CSMD1: variants seen among roughly 807,000 people sequenced by gnomAD.
The protein encoded by CSMD1 is CUB and Sushi multiple domains 1.
In CSMD1, 213 loss-of-function variants were observed where a neutral mutation model predicts 417.5. The observed-to-expected ratio is 0.51, with a 90% confidence interval of 0.46 to 0.57. The LOEUF (loss-of-function observed/expected upper bound fraction) is 0.57. CSMD1 is among the 20% of genes least tolerant of loss of function. CSMD1 has a pLI of 0.00. For synonymous variants in CSMD1, 2,862 were observed against 1,736.8 expected (o/e 1.65, Z -16.11); for missense variants, 6,923 against 4,529.7 (o/e 1.53, Z -15.17).
chr8:4,043,390 T>C (rs1407274214), intron 3 of CSMD1, among the ~76,000 whole-genome samples: 1 of 151,984 alleles, frequency 6.6e-6, no homozygotes, highest in Non-Finnish European at 1.5e-5. Context: ...GCCACACCAA[T>C]AAACATAGGA....
intron 10 of CSMD1, among the ~76,000 whole-genome samples, chr8:3,518,257 T>C (rs1797363319): frequency 6.6e-6 from 1 of 152,290 alleles, no homozygotes. Context: ...ATATGTTTCT[T>C]CAAATAAGAG....
intron 3 of CSMD1, among the ~76,000 whole-genome samples, chr8:4,269,269 C>A (rs201704355): frequency 6.6e-6 from 1 of 152,118 alleles, no homozygotes; most frequent in African/African-American, 2.4e-5. Context: ...GTTGCCCAGG[C>A]TGGTCTTGAA....
rs1262594684 is a variant in CSMD1, at chr8:3,223,694, C to T, written c.4484+35G>A. 3 of 1,604,944 alleles carry T rather than the reference C, an allele frequency of 1.9e-6. No homozygotes were observed. The Admixed American group carries it at 5.1e-5, about 27-fold the overall frequency. Reference sequence around the variant, plus strand: ...AATTTTTAGGTATGGAATTAAAAATCCTACTAAAAAGAGGTATTCTGCAAG... The same window carrying T: ...AATTTTTAGGTATGGAATTAAAAATTCTACTAAAAAGAGGTATTCTGCAAG... On this transcript the variant is annotated intron_variant, in intron 28 of 69. Transcript: ENST00000635120.
At chr8:4,277,300 A>G (rs1796542205) in intron 3 of CSMD1, among the ~76,000 whole-genome samples, 1 of 152,138 alleles carries the variant, frequency 6.6e-6, no homozygotes, top group Non-Finnish European at 1.5e-5. Context: ...AAGCTTAAAA[A>G]TCCACTGAAG....
chr8:4,577,885 T>C (rs1401994099), intron 2 of CSMD1, among the ~76,000 whole-genome samples: 1 of 152,202 alleles, frequency 6.6e-6, no homozygotes, highest in African/African-American at 2.4e-5. Flanking sequence ...TAACTAAATA[T>C]ATAGTAAATG....
At chr8:4,789,047 T>A (rs937817718) in intron 1 of CSMD1, among the ~76,000 whole-genome samples, 5 of 152,218 alleles carry the variant, frequency 3.3e-5, no homozygotes, top group Non-Finnish European at 7.3e-5. Flanking sequence ...GTTCCACAGT[T>A]TATTTATTCA....
chr8:4,880,835 C>G (rs1237516970), intron 1 of CSMD1, among the ~76,000 whole-genome samples: 1 of 152,074 alleles, frequency 6.6e-6, no homozygotes, highest in Non-Finnish European at 1.5e-5. Flanking sequence ...TCATTCTTGT[C>G]ATGAAAGGTC....
intron 2 of CSMD1, among the ~76,000 whole-genome samples, chr8:4,477,671 G>A (rs549756288): frequency 2.0e-5 from 3 of 152,228 alleles, no homozygotes; most frequent in Non-Finnish European, 2.9e-5. Context: ...TGGAAGTGAC[G>A]CAAGGCATGT....
At chr8:4,021,480 G>C (rs1049595452) in intron 4 of CSMD1, among the ~76,000 whole-genome samples, 15 of 152,184 alleles carry the variant, frequency 9.9e-5, no homozygotes, top group African/African-American at 3.1e-4. Context: ...GCGTGTGGCA[G>C]TTGAATCCGC....
chr8:3,947,497 T>C (rs1219282865), intron 5 of CSMD1, among the ~76,000 whole-genome samples: 2 of 152,208 alleles, frequency 1.3e-5, no homozygotes, highest in South Asian at 4.1e-4. Flanking sequence ...TTAGGTAATA[T>C]GTACTTCATA....
chr8:4,043,265 T>G (rs550033574), intron 3 of CSMD1, among the ~76,000 whole-genome samples: 1 of 151,544 alleles, frequency 6.6e-6, no homozygotes, highest in Non-Finnish European at 1.5e-5. Context: ...GCATAGGAGA[T>G]AAAACGAATC....
intron 48 of CSMD1, 39 bp from the exon 49 acceptor site, chr8:3,087,324 G>C: frequency 6.3e-7 from 1 of 1,593,778 alleles, no homozygotes; most frequent in Non-Finnish European, 8.6e-7. Flanking sequence ...AAGTCAACAA[G>C]CAAACAAATG....
intron 2 of CSMD1, among the ~76,000 whole-genome samples, chr8:4,483,298 G>T (rs1585147959): frequency 6.6e-6 from 1 of 152,186 alleles, no homozygotes; most frequent in African/African-American, 2.4e-5. Flanking sequence ...CTTTCTTTTG[G>T]GAATAGACCA....
At chr8:3,806,797 G>C (rs952375664) in intron 5 of CSMD1, among the ~76,000 whole-genome samples, 1 of 152,104 alleles carries the variant, frequency 6.6e-6, no homozygotes, top group Admixed American at 6.6e-5. Flanking sequence ...TAAATACTAG[G>C]TGCAGCATAG....
intron 1 of CSMD1, among the ~76,000 whole-genome samples, chr8:4,719,607 G>T (rs1808920196): frequency 6.7e-6 from 1 of 149,528 alleles, no homozygotes; most frequent in Non-Finnish European, 1.5e-5. Context: ...GGGATGGTAA[G>T]GTCAATAAAA....
intron 54 of CSMD1, 72 bp from the exon 55 acceptor site, chr8:2,978,872 G>A (rs1805163843): frequency 7.7e-7 from 1 of 1,305,700 alleles, no homozygotes; most frequent in Admixed American, 2.8e-5. Flanking sequence ...CAGAAATGAA[G>A]GCGAATTCCT....
intron 2 of CSMD1, among the ~76,000 whole-genome samples, chr8:4,507,003 G>A (rs1454058287): frequency 6.6e-6 from 1 of 152,088 alleles, no homozygotes; most frequent in Non-Finnish European, 1.5e-5. Context: ...GAATTCCTAA[G>A]AATGCTTTTC....
At chr8:3,519,786 T>G (rs1797426963) in intron 10 of CSMD1, among the ~76,000 whole-genome samples, 1 of 151,366 alleles carries the variant, frequency 6.6e-6, no homozygotes, top group Admixed American at 6.6e-5. Context: ...CTTGCATCAT[T>G]TAATAATAAA....
intron 5 of CSMD1, among the ~76,000 whole-genome samples, chr8:3,802,454 T>A (rs557615711): frequency 2.0e-5 from 3 of 152,186 alleles, no homozygotes; most frequent in African/African-American, 7.2e-5. Context: ...ATTAAATTTG[T>A]CAGCCTGATA....
Sources: allele counts gnomAD v4.1 joint callset (sites outside exome capture counted in the v4.1 genomes callset), GRCh38; gene constraint gnomAD v4.1.1; transcripts MANE v1.5; gene names NCBI Gene and HGNC (gene_info 2026-07-23, HGNC 2026-07-21).